The following DENND2A variants were observed in gnomAD, a reference collection of about 807,000 sequenced individuals.
The protein encoded by DENND2A is DENN domain containing 2A.
A neutral mutation model predicts 105.3 loss-of-function variants in DENND2A; 53 were observed. The observed-to-expected ratio is 0.50, with a 90% confidence interval of 0.40 to 0.63. The LOEUF is 0.63. DENND2A is among the 30% of genes least tolerant of loss of function. DENND2A has a pLI of 0.00. For missense variants in DENND2A, 1,138 were observed against 1,279.6 expected, an observed-to-expected ratio of 0.89 and a Z score of 1.69; for synonymous variants, 522 against 508.4, an observed-to-expected ratio of 1.03 and a Z score of -0.36.
intron 1 of DENND2A, among the ~76,000 whole-genome samples, chr7:140,611,785 A>T (rs1315870667): frequency 6.6e-6 from 1 of 152,228 alleles, no homozygotes; most frequent in Non-Finnish European, 1.5e-5. Flanking sequence ...GACGGATGGT[A>T]GATTAGTGAT....
intron 9 of DENND2A, among the ~76,000 whole-genome samples, chr7:140,564,785 T>C (rs188259709): frequency 6.6e-6 from 1 of 152,334 alleles, no homozygotes; most frequent in Admixed American, 6.5e-5. Context: ...CCTACAACAC[T>C]GATTAAGCAT....
intron 14 of DENND2A, among the ~76,000 whole-genome samples, chr7:140,541,889 G>A (rs955791446): frequency 4.6e-5 from 7 of 152,330 alleles, no homozygotes; most frequent in Admixed American, 2.6e-4. Flanking sequence ...GACCAGATGC[G>A]GCGCATGAGG....
rs535121776 is a variant in DENND2A, at chr7:140,523,007, A to G, written c.2665+300T>C. On this transcript the variant is annotated intron_variant, in intron 17 of 19. Transcript: ENST00000496613. The surrounding 1 kb of genome is among the most constrained non-coding windows in gnomAD (Gnocchi z 4.5). ...ACTGCAGCCTCAACCTCCAGGGCTC[A>G]AGGGATCCTCCTGCCTCAGCCTCCC... 6.6e-6 allele frequency among the ~76,000 whole-genome samples: 1 copy of G among 152,190 alleles called. No homozygotes were observed. Among genetic ancestry groups the G allele is most frequent in the African/African-American group, 2.4e-5 (1 of 41,534 alleles).
At chr7:140,574,121 G>C in intron 5 of DENND2A, 113 bp from the exon 6 acceptor site, 1 of 1,228,662 alleles carries the variant, frequency 8.1e-7, no homozygotes, top group Non-Finnish European at 1.2e-6. Context: ...ACTGGTCTAT[G>C]TTCCCAGGTT....
chr7:140,553,719 C>T (rs1470036436), intron 12 of DENND2A, among the ~76,000 whole-genome samples: 1 of 152,244 alleles, frequency 6.6e-6, no homozygotes, highest in Non-Finnish European at 1.5e-5. Context: ...ATGCTGCCTT[C>T]AAGCATCTGT....
At chr7:140,617,695 C>T (rs1243743396) in intron 1 of DENND2A, among the ~76,000 whole-genome samples, 1 of 152,158 alleles carries the variant, frequency 6.6e-6, no homozygotes, top group Non-Finnish European at 1.5e-5. Flanking sequence ...GCCTGGGTGA[C>T]AGAGTGAGAC....
intron 14 of DENND2A, among the ~76,000 whole-genome samples, chr7:140,538,986 G>A (rs572754723): frequency 9.9e-5 from 15 of 151,604 alleles, no homozygotes; most frequent in African/African-American, 3.6e-4. Flanking sequence ...ACCACGCCCA[G>A]CTAATTTTTG....
At chr7:140,629,919 G>A (rs1254793170) in intron 1 of DENND2A, among the ~76,000 whole-genome samples, 4 of 148,556 alleles carry the variant, frequency 2.7e-5, no homozygotes, top group Admixed American at 6.8e-5. Context: ...GTTCAGTGGC[G>A]CAATCTCAGC....
intron 12 of DENND2A, among the ~76,000 whole-genome samples, chr7:140,553,117 T>C (rs560126699): frequency 6.6e-6 from 1 of 152,228 alleles, no homozygotes; most frequent in South Asian, 2.1e-4. Flanking sequence ...GCGTTCAGCA[T>C]ATGGAGGATC....
At chr7:140,565,503 A>G (rs1167121091) in intron 9 of DENND2A, among the ~76,000 whole-genome samples, 6 of 152,156 alleles carry the variant, frequency 3.9e-5, no homozygotes, top group Non-Finnish European at 7.4e-5. Context: ...ATATGGTGGA[A>G]CCTCTTTAAT....
intron 1 of DENND2A, among the ~76,000 whole-genome samples, chr7:140,633,010 T>C (rs1452007547): frequency 1.3e-5 from 2 of 151,160 alleles, no homozygotes; most frequent in African/African-American, 4.9e-5. Context: ...TATAGGCGTG[T>C]GCCACCATGC....
At chr7:140,590,164 C>T (rs929747214) in intron 3 of DENND2A, among the ~76,000 whole-genome samples, 6 of 151,214 alleles carry the variant, frequency 4.0e-5, no homozygotes, top group Non-Finnish European at 7.4e-5. Flanking sequence ...CCGAGGCGGG[C>T]GGATCACTTG....
At chr7:140,547,485 G>T (rs1796954360) in intron 12 of DENND2A, among the ~76,000 whole-genome samples, 1 of 152,286 alleles carries the variant, frequency 6.6e-6, no homozygotes, top group East Asian at 1.9e-4. Context: ...ATAAGAACAA[G>T]TGTTGACAAG....
intron 3 of DENND2A, among the ~76,000 whole-genome samples, chr7:140,591,879 C>T (rs1192504761): frequency 1.8e-5 from 2 of 114,134 alleles, no homozygotes; most frequent in African/African-American, 8.1e-5. Flanking sequence ...TCCTTCCTTC[C>T]TTCTTTCTTT....
chr7:140,530,885 C>T (rs1796238689), intron 14 of DENND2A, among the ~76,000 whole-genome samples: 2 of 152,086 alleles, frequency 1.3e-5, no homozygotes, highest in Non-Finnish European at 2.9e-5. Context: ...GCATGCGCCA[C>T]CATGCCTGGC....
chr7:140,575,647 TGGAA>T (rs1798266707), intron 5 of DENND2A, among the ~76,000 whole-genome samples: 1 of 152,114 alleles, frequency 6.6e-6, no homozygotes, highest in Non-Finnish European at 1.5e-5. Context: ...ACCCACACAG[TGGAA>T]TACCATGCAA....
chr7:140,575,587 A>G (rs947077787), intron 5 of DENND2A, among the ~76,000 whole-genome samples: 3 of 152,220 alleles, frequency 2.0e-5, no homozygotes, highest in Non-Finnish European at 4.4e-5. Context: ...AATACTGGAA[A>G]TAACCTAGAT....
chr7:140,566,274 C>T (rs1016916071), intron 9 of DENND2A, among the ~76,000 whole-genome samples: 1 of 152,202 alleles, frequency 6.6e-6, no homozygotes, highest in East Asian at 1.9e-4. Flanking sequence ...TCAAGTGATC[C>T]GCCCACTTCG....
intron 1 of DENND2A, among the ~76,000 whole-genome samples, chr7:140,633,446 C>T (rs1306035861): frequency 2.0e-5 from 3 of 152,038 alleles, no homozygotes; most frequent in Non-Finnish European, 4.4e-5. Context: ...TGAGCCACCG[C>T]GCCTGGCCTA....
Sources: allele counts gnomAD v4.1 joint callset (sites outside exome capture counted in the v4.1 genomes callset), GRCh38; gene constraint gnomAD v4.1.1; non-coding constraint Gnocchi (gnomAD v3.1); transcripts MANE v1.5; gene names NCBI Gene and HGNC (gene_info 2026-07-23, HGNC 2026-07-21).